The following CEP128 variants were observed in gnomAD, a reference collection of about 807,000 sequenced individuals.
CEP128 encodes the protein centrosomal protein 128.
A neutral mutation model predicts 156.7 loss-of-function variants in CEP128; 132 were observed. The observed-to-expected ratio is 0.84, with a 90% confidence interval of 0.73 to 0.97. The LOEUF is 0.97. CEP128 is among the 50% of genes least tolerant of loss of function. CEP128 has a pLI of 0.00. For missense variants in CEP128, 1,252 were observed against 1,281.9 expected, an observed-to-expected ratio of 0.98 and a Z score of 0.36; for synonymous variants, 469 against 448.9, an observed-to-expected ratio of 1.04 and a Z score of -0.57.
intron 21 of CEP128, among the ~76,000 whole-genome samples, chr14:80,548,413 C>T (rs1890075339): frequency 6.6e-6 from 1 of 152,076 alleles, no homozygotes; most frequent in Non-Finnish European, 1.5e-5. Context: ...ATAAAATATA[C>T]TATTCCCCCC....
At chr14:80,681,430 A>G (rs764791335) in intron 19 of CEP128, among the ~76,000 whole-genome samples, 1 of 152,160 alleles carries the variant, frequency 6.6e-6, no homozygotes, top group Non-Finnish European at 1.5e-5. Flanking sequence ...GAAATAACAG[A>G]TAAGAAAATT....
chr14:80,570,717 A>T (rs1451853430), intron 20 of CEP128, among the ~76,000 whole-genome samples: 1 of 151,822 alleles, frequency 6.6e-6, no homozygotes, highest in Non-Finnish European at 1.5e-5. Flanking sequence ...GTGAGGTTTT[A>T]TGAGCAAATA....
chr14:80,828,967 A>T lies in CEP128; in HGVS notation c.1209+2176T>A, dbSNP rs143586220. Among the ~76,000 whole-genome samples, 22 of 152,316 alleles carry T rather than the reference A, an allele frequency of 1.4e-4. No homozygotes were observed. The East Asian group carries it at 3.5e-3, about 24-fold the overall frequency. ...AATATTTTCTAAAAATAAAGCAGAG[A>T]CTAAATTTCAAGAAAATTCTCAATT... On this transcript the variant is annotated intron_variant, in intron 13 of 24. Transcript: ENST00000555265.
chr14:80,940,825 T>C (rs2114703), intron 1 of CEP128, among the ~76,000 whole-genome samples: 83,374 of 152,018 alleles, frequency 0.55, 23,488 homozygotes, highest in East Asian at 0.68. Flanking sequence ...TTCACCTGAG[T>C]GGCTCACACT....
intron 8 of CEP128, among the ~76,000 whole-genome samples, chr14:80,874,513 C>T (rs933236082): frequency 5.3e-5 from 8 of 151,608 alleles, no homozygotes; most frequent in Non-Finnish European, 7.4e-5. Context: ...ATAGTAATGA[C>T]ATCGGATATA....
chr14:80,686,589 A>G (rs1057464460), intron 19 of CEP128, among the ~76,000 whole-genome samples: 1 of 152,084 alleles, frequency 6.6e-6, no homozygotes, highest in African/African-American at 2.4e-5. Context: ...TTAACCTTAA[A>G]CGTAAATGGG....
At chr14:80,634,498 AT>A (rs11353933) in intron 19 of CEP128, among the ~76,000 whole-genome samples, 130,952 of 152,158 alleles carry the variant, frequency 0.86, 56,434 homozygotes, top group African/African-American at 0.89. Flanking sequence ...GCAAAGTAAT[AT>A]TTTTGAATAT....
At chr14:80,612,745 CT>C (rs1338337462) in intron 19 of CEP128, among the ~76,000 whole-genome samples, 2 of 152,176 alleles carry the variant, frequency 1.3e-5, no homozygotes, top group Non-Finnish European at 2.9e-5. Flanking sequence ...TTGAATTAAA[CT>C]GAATCCTCCA....
Position 80,856,866 on chromosome 14 carries a change from G to T in CEP128, c.762+5891C>A, listed in dbSNP as rs184855652. On this transcript the variant is annotated intron_variant, in intron 9 of 24. Transcript: ENST00000555265. ...GTGCCTCAGACTCCCAGGTGGCTGGGATTACAGGTGTGCACCACCACACTA... is the reference window on the plus strand; with the variant it reads ...GTGCCTCAGACTCCCAGGTGGCTGGTATTACAGGTGTGCACCACCACACTA... Among the ~76,000 whole-genome samples the T allele has an allele frequency of 3.3e-5, 5 of 151,284 alleles. No individual in the cohort carries two copies. In the East Asian group the frequency reaches 5.9e-4, roughly 18 times the overall value.
chr14:80,944,006 AAAAGT>A (rs1448494522), upstream of CEP128, among the ~76,000 whole-genome samples: 1 of 152,096 alleles, frequency 6.6e-6, no homozygotes, highest in African/African-American at 2.4e-5. Flanking sequence ...AAAAAAAAAA[AAAAGT>A]AGTGAAGTCA....
In CEP128 at chr14:80,914,371, A is replaced by G; in HGVS notation, c.185T>C (p.Leu62Pro). 1 of 1,614,030 alleles carries G rather than the reference A, an allele frequency of 6.2e-7. No homozygotes were observed. Among genetic ancestry groups the G allele is most frequent in the Non-Finnish European group, 8.5e-7 (1 of 1,179,910 alleles). ...ATTACTGTATTCTCGGTATCGTCCAAGCATCTGGTCCACTTGTCGCAGGTT... is the reference window on the plus strand; with the variant it reads ...ATTACTGTATTCTCGGTATCGTCCAGGCATCTGGTCCACTTGTCGCAGGTT... ...SRNLRQVDQM[L>P]GRYREYSNGQ... The change falls in exon 4 of 25, where the codon CTT (leucine) becomes CCT (proline). Residue 62 changes from leucine to proline, a missense_variant. Transcript: ENST00000555265.
chr14:80,955,383 C>T, intron 2 of CEP128: 1 of 504,770 alleles, frequency 2.0e-6, no homozygotes, highest in Non-Finnish European at 3.6e-6. Context: ...GAGGGGACAG[C>T]CAGGACTGGT....
intron 24 of CEP128, among the ~76,000 whole-genome samples, chr14:80,499,494 C>T (rs1453423101): frequency 6.6e-6 from 1 of 152,152 alleles, no homozygotes; most frequent in African/African-American, 2.4e-5. Context: ...CTATACTAAT[C>T]CTTAGATAAC....
At chr14:80,596,509 T>C (rs1414230307) in intron 19 of CEP128, among the ~76,000 whole-genome samples, 1 of 151,696 alleles carries the variant, frequency 6.6e-6, no homozygotes, top group African/African-American at 2.4e-5. Flanking sequence ...ATACCAGGAA[T>C]TGGATAAAAA....
At chr14:80,921,623 A>T (rs747554093) in intron 2 of CEP128, among the ~76,000 whole-genome samples, 1 of 152,194 alleles carries the variant, frequency 6.6e-6, no homozygotes, top group Non-Finnish European at 1.5e-5. Flanking sequence ...GGAGAAACAG[A>T]ACAAAAATAG....
chr14:80,597,982 GGCTAGCATTAT>G (rs1303321854), intron 19 of CEP128, among the ~76,000 whole-genome samples: 4 of 141,118 alleles, frequency 2.8e-5, no homozygotes, highest in Non-Finnish European at 6.1e-5. Flanking sequence ...AAAACCCTAT[GGCTAGCATTAT>G]GCTAAATGGT....
intron 13 of CEP128, among the ~76,000 whole-genome samples, chr14:80,795,803 G>A (rs1883435721): frequency 6.6e-6 from 1 of 152,162 alleles, no homozygotes; most frequent in East Asian, 1.9e-4. Flanking sequence ...CCTACTTGTA[G>A]TATTTTAAAA....
intron 19 of CEP128, among the ~76,000 whole-genome samples, chr14:80,625,969 A>G (rs1893701876): frequency 6.6e-6 from 1 of 152,096 alleles, no homozygotes; most frequent in South Asian, 2.1e-4. Flanking sequence ...ATTACTCTTT[A>G]AAAAGTCATA....
intron 19 of CEP128, among the ~76,000 whole-genome samples, chr14:80,647,506 A>G (rs1266188413): frequency 2.0e-5 from 3 of 152,124 alleles, no homozygotes; most frequent in Admixed American, 2.0e-4. Context: ...TTTTTAAAAT[A>G]GACTCTATAT....
Sources: allele counts gnomAD v4.1 joint callset (sites outside exome capture counted in the v4.1 genomes callset), GRCh38; gene constraint gnomAD v4.1.1; transcripts MANE v1.5; gene names NCBI Gene and HGNC (gene_info 2026-07-23, HGNC 2026-07-21).